Variants in PREX2 observed in about 807,000 individuals in gnomAD.
PREX2 encodes phosphatidylinositol-3,4,5-trisphosphate dependent Rac exchange factor 2, also known as phosphatidylinositol 3,4,5-trisphosphate-dependent Rac exchanger 2 protein.
Under a neutral mutation model 203.2 loss-of-function variants are expected in PREX2, and 107 were observed. The ratio of observed to expected loss-of-function variants is 0.53; its 90% confidence interval spans 0.45 to 0.62. The LOEUF (loss-of-function observed/expected upper bound fraction) is 0.62. Among genes scored for constraint, PREX2 ranks in the 20% least tolerant of loss-of-function variants. The pLI is 0.00. For missense variants in PREX2, 1,777 were observed against 1,955.9 expected (o/e 0.91, Z 1.72); for synonymous variants, 672 against 663.6 (o/e 1.01, Z -0.19).
chr8:68,078,673 C>T (rs1203599074), intron 15 of PREX2, among the ~76,000 whole-genome samples: 3 of 151,986 alleles, frequency 2.0e-5, no homozygotes, highest in South Asian at 2.1e-4. Flanking sequence ...TGTGAGTTGT[C>T]GTGGAGAAAT....
At chr8:68,190,626 G>A (rs1465180424) in intron 35 of PREX2, among the ~76,000 whole-genome samples, 1 of 152,008 alleles carries the variant, frequency 6.6e-6, no homozygotes, top group African/African-American at 2.4e-5. Context: ...GATGAGGGTT[G>A]AAAACTTACC....
At position 67,977,896 on chromosome 8, in the gene PREX2, T is replaced by C. The variant is rs752631023; in HGVS notation, c.141+25361T>C. ...GCACAAACCTGCCCTATGCATCTCT[T>C]TCTGACTGTTTACCTGTATCTTTTG... On this transcript the variant is annotated intron_variant, in intron 1 of 39. Coordinates refer to ENST00000288368, the MANE Select transcript of PREX2 (RefSeq NM_024870.4). 1.4e-4 allele frequency among the ~76,000 whole-genome samples: 21 copies of C among 152,172 alleles called. 1 individual carries two copies. The highest frequency in any genetic ancestry group is 2.9e-4 in the Non-Finnish European group (20 of 68,020).
intron 21 of PREX2, 132 bp downstream of exon 21, chr8:68,093,854 T>C: frequency 2.1e-6 from 1 of 487,780 alleles, no homozygotes; most frequent in Non-Finnish European, 3.7e-6. Context: ...AACAGATGTC[T>C]GTCAAATGCA....
intron 35 of PREX2, among the ~76,000 whole-genome samples, chr8:68,187,825 C>G (rs1463491412): frequency 6.6e-6 from 1 of 152,076 alleles, no homozygotes; most frequent in African/African-American, 2.4e-5. Context: ...CTCTGTGGCC[C>G]AAGAATGGAG....
intron 37 of PREX2, among the ~76,000 whole-genome samples, chr8:68,211,634 A>G (rs548613526): frequency 2.0e-5 from 3 of 152,330 alleles, no homozygotes; most frequent in East Asian, 3.9e-4. Context: ...GTACAGCTCC[A>G]TAAGATTGTC....
At chr8:68,078,054 C>T (rs1167542690) in intron 15 of PREX2, among the ~76,000 whole-genome samples, 1 of 152,028 alleles carries the variant, frequency 6.6e-6, no homozygotes, top group Non-Finnish European at 1.5e-5. Context: ...AGTCATCAAA[C>T]AATAATTTTT....
At chr8:67,956,093 G>T (rs1434254124) in intron 1 of PREX2, among the ~76,000 whole-genome samples, 1 of 152,192 alleles carries the variant, frequency 6.6e-6, no homozygotes, top group Non-Finnish European at 1.5e-5. Context: ...GGTAGAGAGT[G>T]ACATAATTTG....
intron 6 of PREX2, among the ~76,000 whole-genome samples, chr8:68,036,028 A>C (rs1339072664): frequency 6.6e-6 from 1 of 152,178 alleles, no homozygotes; most frequent in African/African-American, 2.4e-5. Flanking sequence ...AGAAATGTTG[A>C]CCTTAAAGAG....
At chr8:68,079,985 C>A (rs1809463491) in intron 15 of PREX2, among the ~76,000 whole-genome samples, 1 of 107,414 alleles carries the variant, frequency 9.3e-6, no homozygotes, top group Non-Finnish European at 2.1e-5. Flanking sequence ...GAGTTGTTCA[C>A]ACAAGAAGGC....
intron 1 of PREX2, among the ~76,000 whole-genome samples, chr8:67,973,189 C>T (rs971578319): frequency 1.3e-5 from 2 of 152,174 alleles, no homozygotes; most frequent in African/African-American, 4.8e-5. Context: ...AAAGTATGGG[C>T]AGACTGATAT....
intron 7 of PREX2, among the ~76,000 whole-genome samples, chr8:68,039,841 TC>T (rs947956894): frequency 6.6e-6 from 1 of 152,110 alleles, no homozygotes; most frequent in African/African-American, 2.4e-5. Context: ...ACTACTCTGC[TC>T]CAGGCCACCA....
chr8:68,111,060 C>A, intron 25 of PREX2: 1 of 258,542 alleles, frequency 3.9e-6, no homozygotes, highest in Non-Finnish European at 7.8e-6. Flanking sequence ...TATTTTACTT[C>A]ATTTAATAAA....
intron 39 of PREX2, among the ~76,000 whole-genome samples, chr8:68,226,257 C>T (rs1813055164): frequency 6.6e-6 from 1 of 152,004 alleles, no homozygotes; most frequent in African/African-American, 2.4e-5. Flanking sequence ...GAGTATAAAC[C>T]TGAATTAGAA....
In PREX2 at chr8:68,109,308, C is replaced by T. The variant is rs762119469; in HGVS notation, c.2939-108C>T. ...AAAACATCAGGTTGTACATGTAATA[C>T]ATATAATTTTATCTGTCAATTAAAA... On this transcript the variant is annotated intron_variant, in intron 24 of 39. Transcript: ENST00000288368. 20 of 759,202 alleles carry T rather than the reference C, an allele frequency of 2.6e-5. No homozygotes were observed. In the South Asian group the frequency reaches 3.8e-4, roughly 14 times the overall value. The allele number at this position is 759,202 out of a possible 1,614,324, so 47.0% of individuals were successfully genotyped here.
intron 35 of PREX2, among the ~76,000 whole-genome samples, chr8:68,161,221 A>G (rs1811647152): frequency 6.6e-6 from 1 of 151,944 alleles, no homozygotes; most frequent in African/African-American, 2.4e-5. Flanking sequence ...CAGCCTACCA[A>G]GTAGCTGGGA....
intron 15 of PREX2, among the ~76,000 whole-genome samples, chr8:68,078,231 T>C (rs974035502): frequency 6.6e-6 from 1 of 152,140 alleles, no homozygotes; most frequent in Non-Finnish European, 1.5e-5. Context: ...AGTGGCATGA[T>C]CTCAGCTCAC....
intron 34 of PREX2, among the ~76,000 whole-genome samples, chr8:68,156,201 C>T (rs756762911): frequency 1.2e-4 from 19 of 152,124 alleles, no homozygotes; most frequent in Non-Finnish European, 2.2e-4. Context: ...ACTAGGACTA[C>T]GGGTGCATGC....
chr8:68,042,921 A>G (rs1259135595), intron 7 of PREX2, among the ~76,000 whole-genome samples: 3 of 152,092 alleles, frequency 2.0e-5, no homozygotes, highest in Non-Finnish European at 4.4e-5. Context: ...AAATAGAACT[A>G]AGTGATGGAT....
intron 7 of PREX2, among the ~76,000 whole-genome samples, chr8:68,042,949 G>A (rs1392798871): frequency 6.6e-6 from 1 of 152,062 alleles, no homozygotes; most frequent in Non-Finnish European, 1.5e-5. Context: ...TATAATCCAT[G>A]ATTATTTTGC....
Sources: gnomAD v4.1 joint callset for allele counts (sites outside exome capture counted in the v4.1 genomes callset) on GRCh38, gnomAD v4.1.1 for gene constraint, MANE v1.5 for transcripts, NCBI Gene and HGNC (gene_info 2026-07-23, HGNC 2026-07-21) for gene names.